The following PCDHA12 variants were observed in gnomAD, a reference collection of about 807,000 sequenced individuals.
PCDHA12 encodes protocadherin alpha 12.
In PCDHA12, 44 loss-of-function variants were observed where a neutral mutation model predicts 60.0. That is an observed-to-expected ratio of 0.73 (90% CI 0.58 to 0.94). The LOEUF is 0.94. PCDHA12 is among the 40% of genes least tolerant of loss of function. The pLI is 0.00. For missense variants in PCDHA12, 1,276 were observed against 1,239.7 expected (o/e 1.03, Z -0.44); for synonymous variants, 569 against 553.0 (o/e 1.03, Z -0.40).
chr5:140,896,053 C>T (rs371706160), intron 1 of PCDHA12, among the ~76,000 whole-genome samples: 8 of 152,164 alleles, frequency 5.3e-5, no homozygotes, highest in Non-Finnish European at 1.2e-4. Context: ...TCAGGTGATC[C>T]GCCTGCCTCG....
At chr5:140,969,485 T>C (rs1485555970) in intron 1 of PCDHA12, 4 of 1,461,452 alleles carry the variant, frequency 2.7e-6, no homozygotes, top group African/African-American at 2.9e-5. Flanking sequence ...CATAATCTGC[T>C]ATTTCCTCTC....
chr5:140,883,339 C>G (rs142984869), intron 1 of PCDHA12: 2 of 1,614,172 alleles, frequency 1.2e-6, no homozygotes, highest in South Asian at 2.2e-5. Flanking sequence ...CTTTGTCACT[C>G]CCCATCAGAG....
intron 1 of PCDHA12, chr5:140,884,056 G>T (rs782776341): frequency 6.2e-7 from 1 of 1,613,358 alleles, no homozygotes; most frequent in Non-Finnish European, 8.5e-7. Flanking sequence ...AGGTGCGCGC[G>T]GTGGACGCCG....
Position 140,875,784 on chromosome 5 carries a change from C to T in PCDHA12, c.312C>T (p.Ile104=), listed in dbSNP as rs782115108. ...KLCGRSAECS[I]HLEVIVDRPL... ...GCGGGCGGAGCGCGGAGTGCAGTAT[C>T]CACCTGGAGGTGATCGTGGACAGGC... The change falls in exon 1 of 4, where the codon ATC becomes ATT. Residue 104 remains isoleucine (I), a synonymous_variant. Coordinates refer to ENST00000398631, the MANE Select transcript of PCDHA12 (RefSeq NM_018903.4). The T allele has an allele frequency of 3.7e-5, 60 of 1,614,200 alleles. No individual in the cohort carries two copies. The highest frequency in any genetic ancestry group is 5.0e-5 in the Non-Finnish European group (59 of 1,180,036).
At chr5:140,930,785 A>G (rs1485024316) in intron 1 of PCDHA12, among the ~76,000 whole-genome samples, 1 of 152,248 alleles carries the variant, frequency 6.6e-6, no homozygotes, top group Admixed American at 6.5e-5. Context: ...TTTTCACAAT[A>G]TAATAGAATC....
chr5:140,989,197 C>T (rs2097332742), intron 3 of PCDHA12, among the ~76,000 whole-genome samples: 1 of 152,206 alleles, frequency 6.6e-6, no homozygotes, highest in Admixed American at 6.5e-5. Context: ...ACCCTCCCTT[C>T]TAGCTTTCTT....
chr5:140,977,345 T>C lies in PCDHA12; in HGVS notation c.2368-1604T>C, dbSNP rs139865600. Among the ~76,000 whole-genome samples, 25 of 152,342 alleles carry C rather than the reference T, an allele frequency of 1.6e-4. No homozygotes were observed. In the East Asian group the frequency reaches 4.8e-3, roughly 29 times the overall value. ...ATGGCGAGGGGAGAGACGGTGATGATGACTGATTGATAAAAAGTATTTTAG... is the reference window on the plus strand; with the variant it reads ...ATGGCGAGGGGAGAGACGGTGATGACGACTGATTGATAAAAAGTATTTTAG... On this transcript the variant is annotated intron_variant, in intron 1 of 3. Transcript: ENST00000398631.
chr5:140,993,943 A>C (rs1055382423), intron 3 of PCDHA12, among the ~76,000 whole-genome samples: 1 of 152,220 alleles, frequency 6.6e-6, no homozygotes, highest in Admixed American at 6.5e-5. Flanking sequence ...CCCCATTGTT[A>C]AGTGATACAT....
At chr5:140,901,828 A>G (rs538492227) in intron 1 of PCDHA12, among the ~76,000 whole-genome samples, 1 of 152,318 alleles carries the variant, frequency 6.6e-6, no homozygotes, top group African/African-American at 2.4e-5. Flanking sequence ...CTTCCAGTCC[A>G]TAAACATGCA....
At chr5:140,987,292 T>G (rs2097246000) in intron 3 of PCDHA12, among the ~76,000 whole-genome samples, 1 of 152,134 alleles carries the variant, frequency 6.6e-6, no homozygotes, top group African/African-American at 2.4e-5. Context: ...TTAACAAGCC[T>G]TCTATGTGAT....
rs372392810 is a variant in PCDHA12, at chr5:140,953,521, C to T, written c.2368-25428C>T. On this transcript the variant is annotated intron_variant, in intron 1 of 3. Coordinates refer to ENST00000398631, the MANE Select transcript of PCDHA12 (RefSeq NM_018903.4). Reference sequence around the variant, plus strand: ...AGCTATTAGGCCAAAGCAACAAAAACGGGAAACTCACTTCATGCTGATTCT... The same window carrying T: ...AGCTATTAGGCCAAAGCAACAAAAATGGGAAACTCACTTCATGCTGATTCT... 2.0e-5 allele frequency among the ~76,000 whole-genome samples: 3 copies of T among 152,230 alleles called. No individual in the cohort carries two copies. In the East Asian group the frequency reaches 5.8e-4, roughly 29 times the overall value.
intron 3 of PCDHA12, among the ~76,000 whole-genome samples, chr5:141,004,289 CAG>C (rs1383902638): frequency 1.3e-5 from 2 of 152,130 alleles, no homozygotes; most frequent in Non-Finnish European, 2.9e-5. Context: ...GCTGAGCTCT[CAG>C]AGATGTTTGT....
rs782242909 is a variant in PCDHA12, at chr5:140,876,745, G to T, written c.1273G>T (p.Val425Leu). ...RESVSAYELVVTARDGGSPSL... is the reference protein window; with the variant it reads ...RESVSAYELVLTARDGGSPSL... The stretch of plus-strand genomic sequence containing the variant: ...GAGCGTGTCGGCCTATGAGCTGGTG[G>T]TGACTGCGCGGGATGGGGGCTCGCC... The change falls in exon 1 of 4, where the codon GTG (valine) becomes TTG (leucine). Residue 425 changes from valine (V) to leucine (L), a missense_variant. Coordinates refer to ENST00000398631, the MANE Select transcript of PCDHA12 (RefSeq NM_018903.4). The T allele has an allele frequency of 1.2e-6, 2 of 1,614,264 alleles. No homozygotes were observed. Among genetic ancestry groups the T allele is most frequent in the South Asian group, 2.2e-5 (2 of 91,086 alleles).
chr5:140,902,413 C>T (rs2069433988), intron 1 of PCDHA12, among the ~76,000 whole-genome samples: 1 of 152,014 alleles, frequency 6.6e-6, no homozygotes, highest in African/African-American at 2.4e-5. Context: ...TGTTGAATAA[C>T]AGTGGTGAAA....
chr5:140,879,838 A>G (rs73793511), intron 1 of PCDHA12, among the ~76,000 whole-genome samples: 3,913 of 152,230 alleles, frequency 0.026, 159 homozygotes, highest in African/African-American at 0.089. Flanking sequence ...TTGTGGCTGT[A>G]CCACTCCCAT....
At chr5:140,879,910 T>C (rs2058174335) in intron 1 of PCDHA12, among the ~76,000 whole-genome samples, 1 of 152,194 alleles carries the variant, frequency 6.6e-6, no homozygotes, top group Non-Finnish European at 1.5e-5. Context: ...TCTCTATGTG[T>C]TGGTTTTACA....
chr5:140,901,175 T>C (rs2068484045), intron 1 of PCDHA12, among the ~76,000 whole-genome samples: 1 of 152,162 alleles, frequency 6.6e-6, no homozygotes, highest in African/African-American at 2.4e-5. Context: ...CTTCACTTTG[T>C]TGATTGTTTG....
At chr5:140,924,697 C>A (rs1443260109) in intron 1 of PCDHA12, among the ~76,000 whole-genome samples, 5 of 151,946 alleles carry the variant, frequency 3.3e-5, no homozygotes, top group Admixed American at 2.6e-4. Context: ...GAGTTCGAGA[C>A]CAGCTTGTGC....
chr5:140,987,936 T>C lies in PCDHA12; in HGVS notation c.2515+5373T>C, dbSNP rs80117115. Among the ~76,000 whole-genome samples the C allele has an allele frequency of 7.9e-3, 1,205 of 152,348 alleles. 20 individuals are homozygous for C. Among genetic ancestry groups the C allele is most frequent in the African/African-American group, 0.027 (1,136 of 41,570 alleles). On this transcript the variant is annotated intron_variant, in intron 3 of 3. Coordinates refer to ENST00000398631, the MANE Select transcript of PCDHA12 (RefSeq NM_018903.4). ...TATTCTTAATTGTCTCAAGGATTCT[T>C]ACCTGTCTGACAAAACCAACTCCCC...
Sources: allele counts gnomAD v4.1 joint callset (sites outside exome capture counted in the v4.1 genomes callset), GRCh38; gene constraint gnomAD v4.1.1; transcripts MANE v1.5; gene names NCBI Gene and HGNC (gene_info 2026-07-23, HGNC 2026-07-21).